Variants in AKAP6 observed in about 807,000 individuals in gnomAD.
AKAP6 encodes the protein A-kinase anchor protein 6.
In AKAP6, 58 loss-of-function variants were observed where a neutral mutation model predicts 188.5. The ratio of observed to expected loss-of-function variants is 0.31; its 90% confidence interval spans 0.25 to 0.38. The LOEUF (loss-of-function observed/expected upper bound fraction) is 0.38, where lower values mean the gene tolerates loss of function less well. Ranked by LOEUF, AKAP6 falls within the 10% of genes least tolerant of loss-of-function variation. The probability of loss-of-function intolerance (pLI) is 1.00; values close to 1 mark genes in which losing one functional copy is unlikely to be tolerated. For missense variants in AKAP6, 2,710 were observed against 2,740.0 expected (o/e 0.99, Z 0.24); for synonymous variants, 989 against 998.6 (o/e 0.99, Z 0.18).
At chr14:32,745,930 A>G (rs1234502008) in intron 11 of AKAP6, among the ~76,000 whole-genome samples, 1 of 151,944 alleles carries the variant, frequency 6.6e-6, no homozygotes, top group Non-Finnish European at 1.5e-5. Context: ...AAACCAGGGG[A>G]GCCTCACCCT....
chr14:32,673,357 C>T (rs1233067127), intron 7 of AKAP6, among the ~76,000 whole-genome samples: 1 of 152,344 alleles, frequency 6.6e-6, no homozygotes, highest in African/African-American at 2.4e-5. Flanking sequence ...GGAGAAGTAA[C>T]TAAGTTTTCT....
chr14:32,753,943 A>G (rs1044478011), intron 11 of AKAP6, among the ~76,000 whole-genome samples: 1 of 151,992 alleles, frequency 6.6e-6, no homozygotes, highest in Non-Finnish European at 1.5e-5. Context: ...GTATATTTTG[A>G]TATCAGGAAG....
Position 32,822,969 on chromosome 14 carries a change from G to A in AKAP6, c.5156G>A (p.Arg1719Lys). The A allele has an allele frequency of 6.2e-7, 1 of 1,613,894 alleles. No homozygotes were observed. Among genetic ancestry groups the A allele is most frequent in the Non-Finnish European group, 8.5e-7 (1 of 1,179,904 alleles). ...NKIPESNASFRKRLTRSVADE... is the reference protein window; with the variant it reads ...NKIPESNASFKKRLTRSVADE... ...ATCCCGGAATCGAATGCATCGTTCA[G>A]GAAGCGTCTGACTCGTTCAGTGGCT... The change falls in exon 13 of 14, where the codon AGG becomes AAG. Residue 1719 changes from arginine (R) to lysine (K), a missense_variant. Transcript: ENST00000280979.
At chr14:32,443,681 C>T (rs546030282) in intron 2 of AKAP6, among the ~76,000 whole-genome samples, 4 of 152,166 alleles carry the variant, frequency 2.6e-5, no homozygotes, top group Admixed American at 1.3e-4. Flanking sequence ...CCCTCAGGAG[C>T]GAGGGCTTCC....
chr14:32,405,856 C>A (rs913139143), intron 1 of AKAP6, among the ~76,000 whole-genome samples: 1 of 152,172 alleles, frequency 6.6e-6, no homozygotes, highest in African/African-American at 2.4e-5. Context: ...GATGAGATTA[C>A]CCGGTCTCCT....
intron 8 of AKAP6, 51 bp downstream of exon 8, chr14:32,678,510 A>G (rs768775715): frequency 3.1e-6 from 5 of 1,602,124 alleles, no homozygotes; most frequent in Admixed American, 3.3e-5. Flanking sequence ...TATTTTTTCA[A>G]TGATTTTCCA....
rs7150894 is a variant in AKAP6 at position 32,545,808 on chromosome 14, G to C, written c.1155G>C (p.Thr385=). The change falls in exon 4 of 14, where the codon ACG becomes ACC. Residue 385 remains threonine (T), a synonymous_variant. Coordinates refer to ENST00000280979, the MANE Select transcript of AKAP6 (RefSeq NM_004274.5). Reference sequence around the variant, plus strand: ...TTAATTATAACGAGGACTCTCCCACGCAGCCTACATTGCCAAAAAGAGGAC... The same window carrying C: ...TTAATTATAACGAGGACTCTCCCACCCAGCCTACATTGCCAAAAAGAGGAC... ...DCFNYNEDSP[T]QPTLPKRGLF... is the part of the protein sequence containing the mutation. 6.2e-7 allele frequency: 1 copy of C among 1,614,046 alleles called. No individual in the cohort carries two copies. Among genetic ancestry groups the C allele is most frequent in the Non-Finnish European group, 8.5e-7 (1 of 1,179,992 alleles).
At chr14:32,793,037 T>C (rs1566715484) in intron 12 of AKAP6, among the ~76,000 whole-genome samples, 1 of 152,178 alleles carries the variant, frequency 6.6e-6, no homozygotes, top group East Asian at 1.9e-4. Flanking sequence ...GCACTAAATA[T>C]GGAAAGGAAA....
chr14:32,714,091 A>G (rs549182457), intron 9 of AKAP6, among the ~76,000 whole-genome samples: 1 of 152,162 alleles, frequency 6.6e-6, no homozygotes, highest in South Asian at 2.1e-4. Context: ...AGGAATAGGA[A>G]GGTCTGAGGA....
chr14:32,765,821 G>T (rs776488098), intron 11 of AKAP6, among the ~76,000 whole-genome samples: 2 of 151,798 alleles, frequency 1.3e-5, no homozygotes, highest in Non-Finnish European at 2.9e-5. Context: ...AGCATCTGTT[G>T]TATGACACAC....
chr14:32,480,377 G>A (rs73267310), intron 2 of AKAP6, among the ~76,000 whole-genome samples: 9,581 of 152,182 alleles, frequency 0.063, 932 homozygotes, highest in African/African-American at 0.21. Context: ...TCTGGGTTAA[G>A]CCCTCAAGTC....
rs528645102 is a variant in AKAP6, at chr14:32,454,956, G to C, written c.324+21139G>C. Among the ~76,000 whole-genome samples the C allele has an allele frequency of 9.7e-5, 13 of 133,942 alleles. No homozygotes were observed. The South Asian group carries it at 3.3e-3, about 34-fold the overall frequency. The allele number at this position is 133,942 out of a possible 152,430, so 87.9% of individuals were successfully genotyped here. A position where few individuals can be genotyped will look rare whatever the true frequency, so the allele number is the denominator to read the frequency against. ...GCTTTCTCTCTTCCTCTCTTCCTCT[G>C]TTTCTCCCTTTCTCCCTTTCTTCCT... On this transcript the variant is annotated intron_variant, in intron 2 of 13. Coordinates refer to ENST00000280979, the MANE Select transcript of AKAP6 (RefSeq NM_004274.5).
Position 32,822,908 on chromosome 14 carries a change from C to T in AKAP6, c.5095C>T (p.Leu1699Phe). 6.2e-7 allele frequency: 1 copy of T among 1,613,922 alleles called. No individual in the cohort carries two copies. Among genetic ancestry groups the T allele is most frequent in the Non-Finnish European group, 8.5e-7 (1 of 1,179,928 alleles). The change falls in exon 13 of 14, where the codon CTT becomes TTT. Residue 1699 changes from leucine (L) to phenylalanine (F), a missense_variant. By Grantham distance (22) the Leu-to-Phe change is conservative. Coordinates refer to ENST00000280979, the MANE Select transcript of AKAP6 (RefSeq NM_004274.5). Reference protein sequence around the residue: ...TELSSSDELSLCSEDIVLHKN... With the variant: ...TELSSSDELSFCSEDIVLHKN... Reference sequence around the variant, plus strand: ...ACTTAGCAGCAGTGACGAGCTCTCTCTTTGCTCAGAGGATATTGTGTTACA... The same window carrying T: ...ACTTAGCAGCAGTGACGAGCTCTCTTTTTGCTCAGAGGATATTGTGTTACA...
chr14:32,565,148 G>T (rs1394222387), intron 4 of AKAP6, among the ~76,000 whole-genome samples: 1 of 152,052 alleles, frequency 6.6e-6, no homozygotes, highest in Non-Finnish European at 1.5e-5. Context: ...AGTACACCCT[G>T]TATGTTGCTT....
At chr14:32,599,816 A>G (rs952568673) in intron 6 of AKAP6, among the ~76,000 whole-genome samples, 1 of 152,178 alleles carries the variant, frequency 6.6e-6, no homozygotes, top group Non-Finnish European at 1.5e-5. Context: ...TCTGGAAATA[A>G]CATTAAGACA....
chr14:32,720,590 G>A (rs1490568351), intron 9 of AKAP6, among the ~76,000 whole-genome samples: 1 of 152,120 alleles, frequency 6.6e-6, no homozygotes, highest in African/African-American at 2.4e-5. Context: ...GCACATATTA[G>A]GTAAGTGTTT....
intron 2 of AKAP6, among the ~76,000 whole-genome samples, chr14:32,533,784 C>T (rs1158561909): frequency 6.6e-6 from 1 of 152,150 alleles, no homozygotes; most frequent in Admixed American, 6.5e-5. Context: ...GAGCCCTGCT[C>T]TTTTGTGATG....
At chr14:32,348,764 T>C (rs1398504447) in intron 1 of AKAP6, among the ~76,000 whole-genome samples, 2 of 152,162 alleles carry the variant, frequency 1.3e-5, no homozygotes, top group Admixed American at 6.5e-5. Context: ...AGGCTTCTGA[T>C]ACATGCTAAA....
At chr14:32,518,986 C>T (rs1409353173) in intron 2 of AKAP6, among the ~76,000 whole-genome samples, 1 of 152,208 alleles carries the variant, frequency 6.6e-6, no homozygotes, top group Non-Finnish European at 1.5e-5. Context: ...ATCAGACTAA[C>T]AGCAGATCTC....
Sources: allele counts gnomAD v4.1 joint callset (sites outside exome capture counted in the v4.1 genomes callset), GRCh38; gene constraint gnomAD v4.1.1; transcripts MANE v1.5; gene names NCBI Gene and HGNC (gene_info 2026-07-23, HGNC 2026-07-21).